The following DCAF16 variants were observed in gnomAD, a reference collection of about 807,000 sequenced individuals.
DCAF16 encodes DDB1 and CUL4 associated factor 16, also known as DDB1- and CUL4-associated factor 16.
In DCAF16, 10 loss-of-function variants were observed where a neutral mutation model predicts 17.3. The observed-to-expected ratio is 0.58, with a 90% confidence interval of 0.36 to 0.98. DCAF16 has a LOEUF of 0.98. Ranked by LOEUF, DCAF16 falls within the 50% of genes least tolerant of loss-of-function variation. The pLI is 0.01. For missense variants in DCAF16, 249 were observed against 247.6 expected, an observed-to-expected ratio of 1.01 and a Z score of -0.04; for synonymous variants, 111 against 92.8, an observed-to-expected ratio of 1.20 and a Z score of -1.12.
chr4:17,809,988 T>A (rs948700889), intron 1 of DCAF16, among the ~76,000 whole-genome samples: 1 of 152,142 alleles, frequency 6.6e-6, no homozygotes, highest in Admixed American at 6.5e-5. Flanking sequence ...TCTGTAGATG[T>A]CAATTTCTTT....
rs887305220 is a variant in DCAF16, at chr4:17,802,192, A to G, written c.*1299T>C. Reference sequence around the variant, plus strand: ...TTGAGCTTTTACTCCAGGAAATGCTATACAGATTAAAATTTTAATCCATTA... The same window carrying G: ...TTGAGCTTTTACTCCAGGAAATGCTGTACAGATTAAAATTTTAATCCATTA... On this transcript the variant is annotated 3_prime_UTR_variant, in exon 3 of 3. Transcript: ENST00000382247. 2.0e-5 allele frequency: 3 copies of G among 152,628 alleles called. No individual in the cohort carries two copies. The highest frequency in any genetic ancestry group is 3.8e-4 in the East Asian group (2 of 5,206). 9.5% of individuals were successfully genotyped at this position (152,628 alleles called of 1,614,324 possible).
chr4:17,798,069 C>T (rs1382360474), downstream of DCAF16, among the ~76,000 whole-genome samples: 4 of 152,124 alleles, frequency 2.6e-5, no homozygotes, highest in African/African-American at 9.7e-5. Flanking sequence ...CAGTTTTAAT[C>T]TTGTTAAGCT....
chr4:17,797,156 AAAC>A (rs1719466736), downstream of DCAF16, among the ~76,000 whole-genome samples: 1 of 152,180 alleles, frequency 6.6e-6, no homozygotes, highest in African/African-American at 2.4e-5. Flanking sequence ...AGACATAAGA[AAAC>A]AACACATACT....
At chr4:17,808,631 C>A (rs1004337613) in intron 1 of DCAF16, among the ~76,000 whole-genome samples, 1 of 151,376 alleles carries the variant, frequency 6.6e-6, no homozygotes, top group African/African-American at 2.4e-5. Context: ...AAAAACTAAC[C>A]GAAATATAGT....
chr4:17,795,455 C>T, the DCAF16 span, among the ~76,000 whole-genome samples: 2 of 149,406 alleles, frequency 1.3e-5, no homozygotes, highest in African/African-American at 5.1e-5. Flanking sequence ...TTTTTTCTCT[C>T]TTCACCTTCT....
At chr4:17,809,598 A>G (rs1577324868) in intron 1 of DCAF16, 2 of 152,288 alleles carry the variant, frequency 1.3e-5, no homozygotes, top group East Asian at 1.9e-4. Context: ...GTAATGTTCT[A>G]TTTCTTCAGC....
chr4:17,794,205 T>G, the DCAF16 span, among the ~76,000 whole-genome samples: 1 of 152,316 alleles, frequency 6.6e-6, no homozygotes, highest in Admixed American at 6.5e-5. Context: ...GGAACAGAAG[T>G]GCTTCAGATT....
chr4:17,797,157 A>G (rs1719466626), downstream of DCAF16, among the ~76,000 whole-genome samples: 1 of 152,160 alleles, frequency 6.6e-6, no homozygotes, highest in Non-Finnish European at 1.5e-5. Context: ...GACATAAGAA[A>G]ACAACACATA....
rs188268620 is a variant in DCAF16, at chr4:17,808,404, C to T, written c.-750+2043G>A. ...TGGCTATACTTCAGTTATTATGTTA[C>T]TCAGAAAATTTTTAAAAAGGCTCTT... is the stretch of plus-strand genomic sequence containing the variant. On this transcript the variant is annotated intron_variant, in intron 1 of 2. Coordinates refer to ENST00000382247, the MANE Select transcript of DCAF16 (RefSeq NM_017741.4). 1.6e-3 allele frequency among the ~76,000 whole-genome samples: 248 copies of T among 152,228 alleles called. 4 individuals are homozygous for T. The highest frequency in any genetic ancestry group is 1.0e-3 in the Admixed American group (16 of 15,282).
chr4:17,803,774 G>C lies in DCAF16; in HGVS notation c.368C>G (p.Pro123Arg). The C allele has an allele frequency of 6.2e-7, 1 of 1,614,136 alleles. No homozygotes were observed. The highest frequency in any genetic ancestry group is 8.5e-7 in the Non-Finnish European group (1 of 1,180,018). Residue 123 changes from proline to arginine, a missense_variant, in exon 3 of 3, where the codon CCT becomes CGT. Pro to Arg is a moderately radical substitution (Grantham distance 103). Coordinates refer to ENST00000382247, the MANE Select transcript of DCAF16 (RefSeq NM_017741.4). Reference sequence around the variant, plus strand: ...GGGACTTGTAAGAGGCTTTTGAAAAGGTGGGACTCCACAAGAGGCCAGAGG... The same window carrying C: ...GGGACTTGTAAGAGGCTTTTGAAAACGTGGGACTCCACAAGAGGCCAGAGG... ...WPPLASCGVP[P>R]FQKPLTSPSR...
intron 1 of DCAF16, among the ~76,000 whole-genome samples, chr4:17,808,502 A>C (rs1183929784): frequency 3.6e-4 from 55 of 152,196 alleles, no homozygotes; most frequent in Non-Finnish European, 1.5e-5. Flanking sequence ...AAGGCAGTAT[A>C]CTATGTTGTT....
intron 1 of DCAF16, among the ~76,000 whole-genome samples, chr4:17,808,338 T>C (rs538856293): frequency 1.3e-5 from 2 of 152,372 alleles, no homozygotes; most frequent in East Asian, 1.9e-4. Flanking sequence ...ATATTTTTAC[T>C]ATTTTCACTT....
chr4:17,803,930 G>A lies in DCAF16; in HGVS notation c.212C>T (p.Pro71Leu). The change falls in exon 3 of 3, where the codon CCT becomes CTT. Residue 71 changes from proline to leucine, a missense_variant. Transcript: ENST00000382247. Reference sequence around the variant, plus strand: ...TTTAGCATGATACAACCAGGAATTAGGATTTAAAGGTTTCCAAGTTGTGGA... The same window carrying A: ...TTTAGCATGATACAACCAGGAATTAAGATTTAAAGGTTTCCAAGTTGTGGA... ...KYSTTWKPLN[P>L]NSWLYHAKLL... 6.2e-7 allele frequency: 1 copy of A among 1,614,078 alleles called. No homozygotes were observed. Among genetic ancestry groups the A allele is most frequent in the Non-Finnish European group, 8.5e-7 (1 of 1,180,016 alleles).
chr4:17,803,750 G>A lies in DCAF16; in HGVS notation c.392C>T (p.Pro131Leu). The change falls in exon 3 of 3, where the codon CCC becomes CTC. Residue 131 changes from proline to leucine, a missense_variant. By Grantham distance (98) the Pro-to-Leu change is moderately conservative (BLOSUM62 -3). Coordinates refer to ENST00000382247, the MANE Select transcript of DCAF16 (RefSeq NM_017741.4). ...VPPFQKPLTS[P>L]SRLSRDHATL... ...GGCATGATCTCTAGAGAGCCGGCTG[G>A]GACTTGTAAGAGGCTTTTGAAAAGG... is the stretch of plus-strand genomic sequence containing the variant. 4.3e-6 allele frequency: 7 copies of A among 1,614,128 alleles called. No homozygotes were observed. The highest frequency in any genetic ancestry group is 5.1e-6 in the Non-Finnish European group (6 of 1,180,034).
chr4:17,805,702 T>C (rs1221152673), intron 1 of DCAF16, among the ~76,000 whole-genome samples: 1 of 152,238 alleles, frequency 6.6e-6, no homozygotes, highest in Non-Finnish European at 1.5e-5. Flanking sequence ...TGGCTCATGC[T>C]TGTAATCCTA....
chr4:17,804,033 C>T lies in DCAF16; in HGVS notation c.109G>A (p.Glu37Lys), dbSNP rs774045276. The T allele has an allele frequency of 6.2e-7, 1 of 1,614,080 alleles. No homozygotes were observed. The highest frequency in any genetic ancestry group is 8.5e-7 in the Non-Finnish European group (1 of 1,179,954). Residue 37 changes from glutamate to lysine, a missense_variant, in exon 3 of 3, where the codon GAA becomes AAA. Physicochemically the swap from Glu to Lys is moderately conservative, Grantham distance 56. Transcript: ENST00000382247. The part of the protein sequence containing the change: ...ESSGEEWDSS[E>K]EEDSMVPNLS... ...TTGGGCACCATAGAGTCCTCTTCTT[C>T]AGAGGAATCCCACTCTTCCCCAGAA...
At chr4:17,810,422 A>C (rs1577326872) in intron 1 of DCAF16, 25 bp downstream of exon 1, 1 of 152,254 alleles carries the variant, frequency 6.6e-6, no homozygotes, top group East Asian at 1.9e-4. Flanking sequence ...AAGGCCTTCA[A>C]AAGACAGCAT....
Position 17,803,927 on chromosome 4 carries a change from T to G in DCAF16, c.215A>C (p.Asn72Thr). 1 of 1,614,144 alleles carries G rather than the reference T, an allele frequency of 6.2e-7. No homozygotes were observed. The highest frequency in any genetic ancestry group is 8.5e-7 in the Non-Finnish European group (1 of 1,180,028). Residue 72 changes from asparagine to threonine, a missense_variant, in exon 3 of 3, where the codon AAT becomes ACT. Asn to Thr is a moderately conservative substitution (Grantham distance 65). Transcript: ENST00000382247. ...CAGTTTAGCATGATACAACCAGGAATTAGGATTTAAAGGTTTCCAAGTTGT... is the reference window on the plus strand; with the variant it reads ...CAGTTTAGCATGATACAACCAGGAAGTAGGATTTAAAGGTTTCCAAGTTGT... ...YSTTWKPLNPNSWLYHAKLLD... is the reference protein window; with the variant it reads ...YSTTWKPLNPTSWLYHAKLLD...
Position 17,804,062 on chromosome 4 carries a change from TCA to T in DCAF16, c.78_79del (p.Asn26LysfsTer11). 6.2e-7 allele frequency: 1 copy of T among 1,614,178 alleles called. No individual in the cohort carries two copies. Among genetic ancestry groups the T allele is most frequent in the East Asian group, 2.2e-5 (1 of 44,884 alleles). ...GGAATCCCACTCTTCCCCAGAACTC[TCA>T]TTTAGGTAACTAATATTTTCTTCTT... On this transcript the variant is annotated frameshift_variant, in exon 3 of 3. Transcript: ENST00000382247. LOFTEE classifies it high-confidence loss of function.
Sources: gnomAD v4.1 joint callset for allele counts (sites outside exome capture counted in the v4.1 genomes callset) on GRCh38, gnomAD v4.1.1 for gene constraint, MANE v1.5 for transcripts, NCBI Gene and HGNC (gene_info 2026-07-23, HGNC 2026-07-21) for gene names.